CHD7: variants seen among roughly 807,000 people sequenced by gnomAD.
CHD7 encodes chromodomain helicase DNA binding protein 7.
A neutral mutation model predicts 307.3 loss-of-function variants in CHD7; 24 were observed. That is an observed-to-expected ratio of 0.08 (90% confidence interval 0.06 to 0.11). The LOEUF (loss-of-function observed/expected upper bound fraction) is 0.11, where lower values mean the gene tolerates loss of function less well. Ranked by LOEUF, CHD7 falls within the 10% of genes least tolerant of loss-of-function variation. CHD7 has a pLI of 1.00. For missense variants in CHD7, 3,106 were observed against 3,727.1 expected (o/e 0.83, Z 4.34); for synonymous variants, 1,363 against 1,349.9 (o/e 1.01, Z -0.21).
chr8:60,858,677 G>A (rs775886793), intron 34 of CHD7, among the ~76,000 whole-genome samples: 3 of 152,118 alleles, frequency 2.0e-5, no homozygotes, highest in Non-Finnish European at 4.4e-5. Context: ...GCGCAGTCTC[G>A]GCTCAGTGCA....
intron 24 of CHD7, 51 bp from the exon 25 acceptor site, chr8:60,849,000 A>G: frequency 7.3e-7 from 1 of 1,372,490 alleles, no homozygotes; most frequent in Admixed American, 1.7e-5. Context: ...CACATTCATT[A>G]CTTGGAATTC....
chr8:60,845,599 G>C (rs1805175017), intron 23 of CHD7, among the ~76,000 whole-genome samples, 190 bp downstream of exon 23: 1 of 152,212 alleles, frequency 6.6e-6, no homozygotes. Flanking sequence ...GATATGGAGG[G>C]ACAGCTCTGT....
At chr8:60,821,576 G>A (rs1318038344) in intron 9 of CHD7, among the ~76,000 whole-genome samples, 1 of 150,468 alleles carries the variant, frequency 6.6e-6, no homozygotes, top group Non-Finnish European at 1.5e-5. Context: ...ACACCTATGT[G>A]TATGTATAAG....
At chr8:60,861,195 G>A in intron 35 of CHD7, 70 bp downstream of exon 35, 1 of 1,188,708 alleles carries the variant, frequency 8.4e-7, no homozygotes, top group South Asian at 1.5e-5. Flanking sequence ...TTACAACATA[G>A]AAATCCCTGA....
At position 60,742,043 on chromosome 8, in the gene CHD7, G is replaced by C. The variant is rs761518915; in HGVS notation, c.611G>C (p.Gly204Ala). Residue 204 changes from glycine (G) to alanine (A), a missense_variant, in exon 2 of 38, where the codon GGT becomes GCT. Coordinates refer to ENST00000423902, the MANE Select transcript of CHD7 (RefSeq NM_017780.4). ...GGGGATTTTTCCATGCAGCAGCATG[G>C]TCAGCCACAGCAGAGGATGAGCCAG... is the stretch of plus-strand genomic sequence containing the variant. The part of the protein sequence containing the change: ...ARGDFSMQQH[G>A]QPQQRMSQFS... 15 of 1,613,862 alleles carry C rather than the reference G, an allele frequency of 9.3e-6. No homozygotes were observed. The highest frequency in any genetic ancestry group is 1.2e-5 in the Non-Finnish European group (14 of 1,179,888).
At chr8:60,828,945 C>T (rs567323939) in intron 14 of CHD7, 139 bp downstream of exon 14, 168 of 730,748 alleles carry the variant, frequency 2.3e-4, no homozygotes, top group Admixed American at 4.0e-4. Context: ...ATACCCTTTC[C>T]TTGGACTTTC....
intron 1 of CHD7, among the ~76,000 whole-genome samples, chr8:60,708,785 G>T (rs533526554): frequency 6.6e-6 from 1 of 152,248 alleles, no homozygotes; most frequent in South Asian, 2.1e-4. Context: ...TACCTCTTCT[G>T]TAAAGCCATT....
chr8:60,854,441 A>G lies in CHD7; in HGVS notation c.6854A>G (p.Asp2285Gly), dbSNP rs1201928870. The change falls in exon 32 of 38, where the codon GAT becomes GGT. Residue 2285 changes from aspartate (D) to glycine (G), a missense_variant. Transcript: ENST00000423902. Reference sequence around the variant, plus strand: ...AGCACTGCTAGAGATGAAACCCGAGATGGATTCTACATGGAGGACGGAGAT... The same window carrying G: ...AGCACTGCTAGAGATGAAACCCGAGGTGGATTCTACATGGAGGACGGAGAT... ...SMSTARDETR[D>G]GFYMEDGDPS... The G allele has an allele frequency of 1.9e-6, 3 of 1,613,818 alleles. No individual in the cohort carries two copies. Among genetic ancestry groups the G allele is most frequent in the African/African-American group, 1.3e-5 (1 of 75,050 alleles).
rs765792756 is a variant in CHD7, at chr8:60,844,926, A to G, written c.4913A>G (p.Asp1638Gly). 1 of 1,613,780 alleles carries G rather than the reference A, an allele frequency of 6.2e-7. No individual in the cohort carries two copies. The highest frequency in any genetic ancestry group is 8.5e-7 in the Non-Finnish European group (1 of 1,179,734). Residue 1638 changes from aspartate (D) to glycine (G), a missense_variant, in exon 22 of 38, where the codon GAT becomes GGT. Around this residue, in one of 10 missense-constraint regions of CHD7, gnomAD observed 122 missense variants for 124.5 expected, o/e 0.98. Transcript: ENST00000423902. ...GRYKRQLTEQ[D>G]VETICRTILV... ...TATAAACGCCAACTCACTGAGCAAG[A>G]TGTAGAAACCATCTGCAGAACCATC...
At position 60,820,090 on chromosome 8, in the gene CHD7, G is replaced by T; in HGVS notation, c.2697G>T (p.Glu899Asp). Residue 899 changes from glutamate (E) to aspartate (D), a missense_variant and splice_region_variant, in exon 9 of 38, where the codon GAG becomes GAT. Coordinates refer to ENST00000423902, the MANE Select transcript of CHD7 (RefSeq NM_017780.4). ...DFARSTDDRG[E>D]PVTHYLVKWC... Reference sequence around the variant, plus strand: ...CACGTAGCACAGATGACCGGGGAGAGGTAACAGGAGATCATTTGTATTACA... The same window carrying T: ...CACGTAGCACAGATGACCGGGGAGATGTAACAGGAGATCATTTGTATTACA... 6.3e-7 allele frequency: 1 copy of T among 1,594,244 alleles called. No homozygotes were observed. Among genetic ancestry groups the T allele is most frequent in the Non-Finnish European group, 8.6e-7 (1 of 1,165,310 alleles).
At chr8:60,705,779 G>A (rs1222435739) in intron 1 of CHD7, among the ~76,000 whole-genome samples, 1 of 152,190 alleles carries the variant, frequency 6.6e-6, no homozygotes, top group Non-Finnish European at 1.5e-5. Context: ...GAGAAACAGG[G>A]AGAAAAGTGA....
Position 60,852,026 on chromosome 8 carries a change from C to T in CHD7, c.5673C>T (p.His1891=). The change falls in exon 29 of 38, where the codon CAC becomes CAT. Residue 1891 remains histidine (H), a synonymous_variant. Coordinates refer to ENST00000423902, the MANE Select transcript of CHD7 (RefSeq NM_017780.4). The part of the protein sequence containing the change: ...ESMEIHATGK[H]SESNAELGQL... ...GTTTTTCCACTTCCCCAGGCAAGCA[C>T]AGTGAGAGTAATGCTGAGTTAGGCC... 6.2e-7 allele frequency: 1 copy of T among 1,610,918 alleles called. No individual in the cohort carries two copies. Among genetic ancestry groups the T allele is most frequent in the Non-Finnish European group, 8.5e-7 (1 of 1,177,726 alleles).
chr8:60,805,310 A>G (rs1316842390), intron 6 of CHD7, among the ~76,000 whole-genome samples: 4 of 152,194 alleles, frequency 2.6e-5, no homozygotes, highest in African/African-American at 9.7e-5. Context: ...ACGGTGAAAA[A>G]CAGCTCTATT....
At position 60,852,723 on chromosome 8, in the gene CHD7, A is replaced by T; in HGVS notation, c.6103+17A>T. ...CAGATGATGGTAGGTACATTTAGCA[A>T]CAAAGTTCTATACAAAAAGACGAGT... On this transcript the variant is annotated intron_variant, in intron 30 of 37. Coordinates refer to ENST00000423902, the MANE Select transcript of CHD7 (RefSeq NM_017780.4). 6.2e-7 allele frequency: 1 copy of T among 1,613,578 alleles called. No individual in the cohort carries two copies. The highest frequency in any genetic ancestry group is 8.5e-7 in the Non-Finnish European group (1 of 1,179,570).
chr8:60,830,605 T>C (rs902291145), intron 15 of CHD7, 28 bp downstream of exon 15: 2 of 1,604,902 alleles, frequency 1.2e-6, no homozygotes, highest in Admixed American at 1.7e-5. Flanking sequence ...GCGAACTTGC[T>C]TAAGTGACGA....
chr8:60,762,531 A>G (rs928137281), intron 2 of CHD7, among the ~76,000 whole-genome samples: 3 of 152,218 alleles, frequency 2.0e-5, no homozygotes, highest in African/African-American at 7.2e-5. Flanking sequence ...TAACATGGGA[A>G]TCATACTTGG....
chr8:60,743,676 G>C (rs1809175902), intron 2 of CHD7, among the ~76,000 whole-genome samples: 1 of 152,222 alleles, frequency 6.6e-6, no homozygotes, highest in Non-Finnish European at 1.5e-5. Flanking sequence ...GTCTCTAAAA[G>C]ATTTGGATAC....
chr8:60,758,010 C>G (rs1185590042), intron 2 of CHD7, among the ~76,000 whole-genome samples: 1 of 152,142 alleles, frequency 6.6e-6, no homozygotes, highest in African/African-American at 2.4e-5. Flanking sequence ...TTTGTTTATT[C>G]TGGTTTTATC....
intron 11 of CHD7, 125 bp from the exon 12 acceptor site, chr8:60,822,378 T>A (rs1804084870): frequency 1.8e-5 from 17 of 944,420 alleles, no homozygotes; most frequent in Admixed American, 1.6e-4. Flanking sequence ...TTTTGTTGAA[T>A]CTAAGAGAAC....
Sources: allele counts gnomAD v4.1 joint callset (sites outside exome capture counted in the v4.1 genomes callset), GRCh38; gene constraint gnomAD v4.1.1; regional missense constraint gnomAD v4.1.1; transcripts MANE v1.5; gene names NCBI Gene and HGNC (gene_info 2026-07-23, HGNC 2026-07-21).